PLEKHH3: variants seen among roughly 807,000 people sequenced by gnomAD.
The protein encoded by PLEKHH3 is pleckstrin homology, MyTH4 and FERM domain containing H3.
Under a neutral mutation model 77.8 loss-of-function variants are expected in PLEKHH3, and 57 were observed. That is an observed-to-expected ratio of 0.73 (90% CI 0.59 to 0.91). The LOEUF (loss-of-function observed/expected upper bound fraction) is 0.91. Among genes scored for constraint, PLEKHH3 ranks in the 40% least tolerant of loss-of-function variants. The probability of loss-of-function intolerance (pLI) is 0.00; values close to 1 mark genes in which losing one functional copy is unlikely to be tolerated. For missense variants in PLEKHH3, 1,082 were observed against 1,091.2 expected (o/e 0.99, Z 0.12); for synonymous variants, 467 against 504.8 (o/e 0.93, Z 1.00).
chr17:42,671,834 A>G lies in PLEKHH3; in HGVS notation c.1076+252T>C, dbSNP rs2052709117. Among the ~76,000 whole-genome samples the G allele has an allele frequency of 6.6e-6, 1 of 151,814 alleles. No individual in the cohort carries two copies. Among genetic ancestry groups the G allele is most frequent in the Non-Finnish European group, 1.5e-5 (1 of 67,984 alleles). Reference sequence around the variant, plus strand: ...AATCGAAATCCAGCCACTTTACTACATTTTCCTAAGCCCTGGCGCTGGCCT... The same window carrying G: ...AATCGAAATCCAGCCACTTTACTACGTTTTCCTAAGCCCTGGCGCTGGCCT... On this transcript the variant is annotated intron_variant, in intron 7 of 12. Coordinates refer to ENST00000591022, the MANE Select transcript of PLEKHH3 (RefSeq NM_024927.5). The surrounding 1 kb of genome is among the most constrained non-coding windows in gnomAD (Gnocchi z 4.7).
chr17:42,670,818 A>G (rs1229219415), intron 9 of PLEKHH3, 113 bp from the exon 10 acceptor site: 1 of 1,516,914 alleles, frequency 6.6e-7, no homozygotes, highest in Non-Finnish European at 8.9e-7. Context: ...CGGAGCCGAC[A>G]GCGGAGGTGA....
rs906476032 is a variant in PLEKHH3, at chr17:42,676,117, G to A, written c.162+285C>T. 44 of 1,292,032 alleles carry A rather than the reference G, an allele frequency of 3.4e-5. No homozygotes were observed. The highest frequency in any genetic ancestry group is 8.3e-5 in the South Asian group (4 of 48,196). The allele number at this position is 1,292,032 out of a possible 1,614,324, so 80.0% of individuals were successfully genotyped here. On this transcript the variant is annotated intron_variant, in intron 1 of 12. Transcript: ENST00000591022. This position sits in a 1 kb window ranked among gnomAD's most constrained non-coding sequence, Gnocchi z 6.6. ...ACGGGATGGGACGCGGGCCCAGCGGGGAAGGGAGAGGCAGGGCCAGGTCGG... is the reference window on the plus strand; with the variant it reads ...ACGGGATGGGACGCGGGCCCAGCGGAGAAGGGAGAGGCAGGGCCAGGTCGG...
At position 42,670,597 on chromosome 17, in the gene PLEKHH3, G is replaced by A. The variant is rs753578155; in HGVS notation, c.1530C>T (p.His510=). Residue 510 remains histidine (H), a synonymous_variant, in exon 10 of 13, where the codon CAC becomes CAT. Coordinates refer to ENST00000591022, the MANE Select transcript of PLEKHH3 (RefSeq NM_024927.5). ...CCTGCTCAAAGAGGAAAGGCAGTTC[G>A]TGACCGTCTGGGGACAGCCCCTCAG... ...LHPEGLSPDG[H]ELPFLFEQAH... 1.2e-6 allele frequency: 2 copies of A among 1,611,620 alleles called. No individual in the cohort carries two copies. Among genetic ancestry groups the A allele is most frequent in the African/African-American group, 1.3e-5 (1 of 75,048 alleles).
Position 42,676,285 on chromosome 17 carries a change from T to C in PLEKHH3, c.162+117A>G. The C allele has an allele frequency of 2.0e-6, 3 of 1,506,382 alleles. No homozygotes were observed. The South Asian group carries it at 3.9e-5, about 20-fold the overall frequency. The allele number at this position is 1,506,382 out of a possible 1,614,324, so 93.3% of individuals were successfully genotyped here. ...GCTTTGGCCCCCAGGCAAAAAACTC[T>C]CCCTCATCCCTAGTTCGCCAAGCGC... On this transcript the variant is annotated intron_variant, in intron 1 of 12. Coordinates refer to ENST00000591022, the MANE Select transcript of PLEKHH3 (RefSeq NM_024927.5). This position sits in a 1 kb window ranked among gnomAD's most constrained non-coding sequence, Gnocchi z 6.6.
Position 42,670,114 on chromosome 17 carries a change from C to A in PLEKHH3, c.1817G>T (p.Arg606Leu). 7.6e-7 allele frequency: 1 copy of A among 1,307,414 alleles called. No individual in the cohort carries two copies. Among genetic ancestry groups the A allele is most frequent in the Non-Finnish European group, 9.7e-7 (1 of 1,036,008 alleles). 81.0% of individuals were successfully genotyped at this position (1,307,414 alleles called of 1,614,324 possible). A position where few individuals can be genotyped will look rare whatever the true frequency, so the allele number is the denominator to read the frequency against. Residue 606 changes from arginine to leucine, a missense_variant, in exon 11 of 13, where the codon CGC becomes CTC. By Grantham distance (102) the Arg-to-Leu change is moderately radical (BLOSUM62 -2). Coordinates refer to ENST00000591022, the MANE Select transcript of PLEKHH3 (RefSeq NM_024927.5). ...LAKRRAERAR[R>L]GGAGRTAGSI... The stretch of plus-strand genomic sequence containing the variant: ...TCCCGCAGTGCGGCCGGCCCCGCCG[C>A]GCCGGGCCCGCTCCGCCCGCCTCTT...
rs1567955766 is a variant in PLEKHH3 at position 42,669,762 on chromosome 17, G to GGAT, written c.2014-144_2014-142dup. ...TGTGTGGAGGGGGCTGAGGCTCCAG[G>GGAT]GATGTGAGGGCCCAAGGGCTGGTGA... On this transcript the variant is annotated intron_variant, in intron 11 of 12. Transcript: ENST00000591022. 5.4e-6 allele frequency: 8 copies of GGAT among 1,481,970 alleles called. No homozygotes were observed. In the South Asian group the frequency reaches 1.0e-4, roughly 19 times the overall value. The allele number at this position is 1,481,970 out of a possible 1,614,324, so 91.8% of individuals were successfully genotyped here.
At chr17:42,669,856 G>C in intron 11 of PLEKHH3, 62 bp downstream of exon 11, 1 of 1,593,386 alleles carries the variant, frequency 6.3e-7, no homozygotes, top group Non-Finnish European at 8.5e-7. Flanking sequence ...GGGACCTGTG[G>C]CTCTGGGGCA....
At position 42,669,421 on chromosome 17, in the gene PLEKHH3, C is replaced by G. The variant is rs1273269143; in HGVS notation, c.2205+9G>C. 6.6e-7 allele frequency: 1 copy of G among 1,515,386 alleles called. No individual in the cohort carries two copies. The highest frequency in any genetic ancestry group is 8.9e-7 in the Non-Finnish European group (1 of 1,129,658). 93.9% of individuals were successfully genotyped at this position (1,515,386 alleles called of 1,614,324 possible). ...CTCTCCTCCTCCCACAACTCCTCTT[C>G]TCACTCACCTGGGGGCTCTGCAGGA... On this transcript the variant is annotated intron_variant, in intron 12 of 12. Transcript: ENST00000591022.
intron 10 of PLEKHH3, 58 bp from the exon 11 acceptor site, chr17:42,670,434 G>T: frequency 6.8e-7 from 1 of 1,462,946 alleles, no homozygotes. Context: ...TCGCGAAAAC[G>T]CCTCGCGGAA....
In PLEKHH3 at chr17:42,670,859, G is replaced by T. The variant is rs116822760; in HGVS notation, c.1421+135C>A. On this transcript the variant is annotated intron_variant, in intron 9 of 12. Transcript: ENST00000591022. ...CAGTCGGACTGCAAACCTGCGGCGG[G>T]CAGGTCCGTCTGTAAACCAGCGAAC... 13,392 of 1,524,174 alleles carry T rather than the reference G, an allele frequency of 8.8e-3. 1,017 individuals are homozygous for T. The African/African-American group carries it at 0.16, about 19-fold the overall frequency. The allele number at this position is 1,524,174 out of a possible 1,614,324, so 94.4% of individuals were successfully genotyped here.
chr17:42,670,872 T>C, intron 9 of PLEKHH3, 122 bp downstream of exon 9: 2 of 1,532,868 alleles, frequency 1.3e-6, no homozygotes, highest in East Asian at 4.6e-5. Flanking sequence ...GGTCCGTCTG[T>C]AAACCAGCGA....
intron 9 of PLEKHH3, 130 bp from the exon 10 acceptor site, chr17:42,670,835 A>G (rs965453263): frequency 4.0e-6 from 6 of 1,517,284 alleles, no homozygotes; most frequent in Admixed American, 4.0e-5. Context: ...GTGATGCTGC[A>G]GTCGGACTGC....
chr17:42,671,681 T>C lies in PLEKHH3; in HGVS notation c.1077-123A>G. The C allele has an allele frequency of 9.6e-7, 1 of 1,043,222 alleles. No individual in the cohort carries two copies. 64.6% of individuals were successfully genotyped at this position (1,043,222 alleles called of 1,614,324 possible). On this transcript the variant is annotated intron_variant, in intron 7 of 12. Transcript: ENST00000591022. The surrounding 1 kb of genome is among the most constrained non-coding windows in gnomAD (Gnocchi z 4.7). ...TCCTCCCCGCCCCAACTCAAGTTCTTTGAAGGCTCTTCTAAATCTCTCCCC... is the reference window on the plus strand; with the variant it reads ...TCCTCCCCGCCCCAACTCAAGTTCTCTGAAGGCTCTTCTAAATCTCTCCCC...
intron 11 of PLEKHH3, 80 bp from the exon 12 acceptor site, chr17:42,669,701 C>G (rs940776608): frequency 6.8e-7 from 1 of 1,478,830 alleles, no homozygotes; most frequent in Non-Finnish European, 9.2e-7. Context: ...TGTCTGTGAG[C>G]AGGAGTATCC....
Position 42,670,021 on chromosome 17 carries a change from A to T in PLEKHH3, c.1910T>A (p.Leu637Gln). The T allele has an allele frequency of 2.5e-6, 4 of 1,575,900 alleles. No homozygotes were observed. The highest frequency in any genetic ancestry group is 3.4e-6 in the Non-Finnish European group (4 of 1,165,948). Residue 637 changes from leucine to glutamine, a missense_variant, in exon 11 of 13, where the codon CTA becomes CAA. This residue lies in a region of PLEKHH3 where 733 missense variants were observed against 750.0 expected (regional missense o/e 0.98). Coordinates refer to ENST00000591022, the MANE Select transcript of PLEKHH3 (RefSeq NM_024927.5). ...GGCCTCAGCTCGGCCCATGCCCCGT[A>T]GCCGCTTCCAGCCGCCCAGCACGGC... ...AAAVLGGWKR[L>Q]RGMGRAEAMA...
chr17:42,669,818 G>C (rs1049362143), intron 11 of PLEKHH3, 100 bp downstream of exon 11: 3 of 1,553,874 alleles, frequency 1.9e-6, no homozygotes, highest in Admixed American at 3.8e-5. Context: ...TAGCTGTTCT[G>C]GATGTGGGGA....
chr17:42,669,423 C>T lies in PLEKHH3; in HGVS notation c.2205+7G>A, dbSNP rs1364436025. The T allele has an allele frequency of 1.3e-6, 2 of 1,516,758 alleles. No individual in the cohort carries two copies. The highest frequency in any genetic ancestry group is 1.8e-6 in the Non-Finnish European group (2 of 1,130,166). The allele number at this position is 1,516,758 out of a possible 1,614,324, so 94.0% of individuals were successfully genotyped here. A position where few individuals can be genotyped will look rare whatever the true frequency, so the allele number is the denominator to read the frequency against. ...CTCCTCCTCCCACAACTCCTCTTCT[C>T]ACTCACCTGGGGGCTCTGCAGGAGG... On this transcript the variant is annotated splice_region_variant and intron_variant, in intron 12 of 12. Transcript: ENST00000591022.
chr17:42,676,751 G>T lies in PLEKHH3; in HGVS notation c.-188C>A. On this transcript the variant is annotated 5_prime_UTR_variant, in exon 1 of 13. Coordinates refer to ENST00000591022, the MANE Select transcript of PLEKHH3 (RefSeq NM_024927.5). The surrounding 1 kb of genome is among the most constrained non-coding windows in gnomAD (Gnocchi z 6.6). ...GGGACGCTAGCCAGACGCTGAGGGG[G>T]GCTCAGTGTCTGGGCCCCCGGAGGG... 1.6e-6 allele frequency: 1 copy of T among 629,230 alleles called. No homozygotes were observed. The highest frequency in any genetic ancestry group is 2.8e-6 in the Non-Finnish European group (1 of 360,006). The allele number at this position is 629,230 out of a possible 1,614,324, so 39.0% of individuals were successfully genotyped here.
chr17:42,672,258 C>A lies in PLEKHH3; in HGVS notation c.904G>T (p.Asp302Tyr). The change falls in exon 7 of 13, where the codon GAT (aspartate) becomes TAT (tyrosine). Residue 302 changes from aspartate to tyrosine, a missense_variant. This residue lies in a region of PLEKHH3 where 733 missense variants were observed against 750.0 expected (regional missense o/e 0.98). Coordinates refer to ENST00000591022, the MANE Select transcript of PLEKHH3 (RefSeq NM_024927.5). The part of the protein sequence containing the change: ...QTCRDLPALR[D>Y]ELFLQLAKQT... ...TTAGCCAGCTGCAGGAAGAGTTCAT[C>A]CCGGAGCGCGGGCAAGTCCCGGCAG... 1 of 1,551,022 alleles carries A rather than the reference C, an allele frequency of 6.4e-7. No individual in the cohort carries two copies. Among genetic ancestry groups the A allele is most frequent in the Non-Finnish European group, 8.7e-7 (1 of 1,147,088 alleles).
Sources: gnomAD v4.1 joint callset for allele counts (sites outside exome capture counted in the v4.1 genomes callset) on GRCh38, gnomAD v4.1.1 for gene constraint, gnomAD v4.1.1 regional missense constraint, Gnocchi (gnomAD v3.1) non-coding constraint, MANE v1.5 for transcripts, NCBI Gene and HGNC (gene_info 2026-07-23, HGNC 2026-07-21) for gene names.